Variants in ORM1 observed in about 807,000 individuals in gnomAD.
The protein encoded by ORM1 is alpha-1-acid glycoprotein 1.
Under a neutral mutation model 26.9 loss-of-function variants are expected in ORM1, and 13 were observed. That is an observed-to-expected ratio of 0.48 (90% CI 0.31 to 0.77). The LOEUF (loss-of-function observed/expected upper bound fraction) is 0.77, where lower values mean the gene tolerates loss of function less well. Among genes scored for constraint, ORM1 ranks in the 30% least tolerant of loss-of-function variants. The probability of loss-of-function intolerance (pLI) is 0.04; values close to 1 mark genes in which losing one functional copy is unlikely to be tolerated. For missense variants in ORM1, 189 were observed against 246.8 expected (o/e 0.77, Z 1.57); for synonymous variants, 76 against 102.2 (o/e 0.74, Z 1.55).
rs774557448 is a variant in ORM1, at chr9:114,323,229, C to T, written c.96C>T (p.Thr32=). ...LCANLVPVPI[T]NATLDRITGK... ...CCAACCTAGTACCGGTGCCCATCACCAACGCCACCCTGGACCGGGTGAGTG... is the reference window on the plus strand; with the variant it reads ...CCAACCTAGTACCGGTGCCCATCACTAACGCCACCCTGGACCGGGTGAGTG... Residue 32 remains threonine, a synonymous_variant, in exon 1 of 6, where the codon ACC becomes ACT. Coordinates refer to ENST00000259396, the MANE Select transcript of ORM1 (RefSeq NM_000607.4). 1.9e-6 allele frequency: 3 copies of T among 1,594,690 alleles called. No homozygotes were observed. The Admixed American group carries it at 5.2e-5, about 28-fold the overall frequency.
chr9:114,324,382 T>G (rs1829735400), intron 3 of ORM1, among the ~76,000 whole-genome samples: 1 of 152,168 alleles, frequency 6.6e-6, no homozygotes, highest in Non-Finnish European at 1.5e-5. Context: ...ATGCCCTCTT[T>G]AAGATCCTTT....
rs143582841 is a variant in ORM1, at chr9:114,323,683, T to C, written c.135T>C (p.Tyr45=). ...TLDRITGKWF[Y]IASAFRNEEY... is the part of the protein sequence containing the mutation. ...CCCAGATCACTGGCAAGTGGTTTTA[T>C]ATCGCATCGGCCTTTCGAAACGAGG... Residue 45 remains tyrosine, a synonymous_variant, in exon 2 of 6, where the codon TAT becomes TAC. Coordinates refer to ENST00000259396, the MANE Select transcript of ORM1 (RefSeq NM_000607.4). 19 of 1,613,926 alleles carry C rather than the reference T, an allele frequency of 1.2e-5. No homozygotes were observed. Among genetic ancestry groups the C allele is most frequent in the Non-Finnish European group, 1.4e-5 (17 of 1,179,886 alleles).
chr9:114,324,101 C>A lies in ORM1; in HGVS notation c.328+13C>A, dbSNP rs1222774899. The A allele has an allele frequency of 4.3e-6, 7 of 1,613,286 alleles. No homozygotes were observed. The Admixed American group carries it at 1.2e-4, about 27-fold the overall frequency. On this transcript the variant is annotated intron_variant, in intron 3 of 5. Coordinates refer to ENST00000259396, the MANE Select transcript of ORM1 (RefSeq NM_000607.4). ...ATCTCCAGATACGGTGAGGGCCAGCCCTCAGGCAGGAGGGTTCACTGTGGG... is the reference window on the plus strand; with the variant it reads ...ATCTCCAGATACGGTGAGGGCCAGCACTCAGGCAGGAGGGTTCACTGTGGG...
In ORM1 at chr9:114,326,215, C is replaced by T. The variant is rs1829766250; in HGVS notation, c.541-77C>T. 5.0e-6 allele frequency: 8 copies of T among 1,588,574 alleles called. No individual in the cohort carries two copies. The East Asian group carries it at 6.8e-5, about 14-fold the overall frequency. ...GTTCCACAGGCCAGAGCTCATTCTG[C>T]CCTCTCCCTGGAAGACCTCCCACCC... On this transcript the variant is annotated intron_variant, in intron 5 of 5. Coordinates refer to ENST00000259396, the MANE Select transcript of ORM1 (RefSeq NM_000607.4).
In ORM1 at chr9:114,324,025, C is replaced by A; in HGVS notation, c.265C>A (p.Gln89Lys). Residue 89 changes from glutamine to lysine, a missense_variant, in exon 3 of 6, where the codon CAG (glutamine) becomes AAG (lysine). By Grantham distance (53) the Gln-to-Lys change is moderately conservative. Transcript: ENST00000259396. ...FLREYQTRQD[Q>K]CIYNTTYLNV... ...CCTTCTGTTTGGCTTTAGACAGGAC[C>A]AGTGCATCTATAACACCACCTACCT... 1.9e-6 allele frequency: 3 copies of A among 1,613,980 alleles called. No individual in the cohort carries two copies. Among genetic ancestry groups the A allele is most frequent in the Non-Finnish European group, 2.5e-6 (3 of 1,179,958 alleles).
Position 114,323,722 on chromosome 9 carries a change from G to A in ORM1, c.174G>A (p.Ser58=), listed in dbSNP as rs11552129. 77 of 1,613,982 alleles carry A rather than the reference G, an allele frequency of 4.8e-5. No homozygotes were observed. In the African/African-American group the frequency reaches 5.5e-4, roughly 11 times the overall value. ...SAFRNEEYNK[S]VQEIQATFFY... is the part of the protein sequence containing the mutation. ...TTCGAAACGAGGAGTACAATAAGTC[G>A]GTTCAGGAGATCCAAGCAACCTTCT... The change falls in exon 2 of 6, where the codon TCG becomes TCA. Residue 58 remains serine (S), a synonymous_variant. Transcript: ENST00000259396.
chr9:114,324,601 T>A (rs1258734195), intron 3 of ORM1, among the ~76,000 whole-genome samples, 189 bp from the exon 4 acceptor site: 3 of 152,116 alleles, frequency 2.0e-5, no homozygotes, highest in African/African-American at 7.2e-5. Context: ...TCCTGAGATC[T>A]CATGTACAGA....
rs1290580242 is a variant in ORM1, at chr9:114,324,875, G to C, written c.414G>C (p.Lys138Asn). Reference sequence around the variant, plus strand: ...TTGCTTTTGACGTGAACGATGAGAAGAACTGGGGGCTGTCTGTCTATGGTA... The same window carrying C: ...TTGCTTTTGACGTGAACGATGAGAACAACTGGGGGCTGTCTGTCTATGGTA... ...YMLAFDVNDE[K>N]NWGLSVYADK... The change falls in exon 4 of 6, where the codon AAG becomes AAC. Residue 138 changes from lysine (K) to asparagine (N), a missense_variant. Lys to Asn is a moderately conservative substitution (Grantham distance 94, BLOSUM62 0). This residue lies in a region of ORM1 where 163 missense variants were observed against 157.7 expected (regional missense o/e 1.03). Transcript: ENST00000259396. 1 of 1,614,116 alleles carries C rather than the reference G, an allele frequency of 6.2e-7. No individual in the cohort carries two copies. The highest frequency in any genetic ancestry group is 1.1e-5 in the South Asian group (1 of 91,074).
rs1829766220 is a variant in ORM1 at position 114,326,214 on chromosome 9, G to T, written c.541-78G>T. On this transcript the variant is annotated intron_variant, in intron 5 of 5. Coordinates refer to ENST00000259396, the MANE Select transcript of ORM1 (RefSeq NM_000607.4). Reference sequence around the variant, plus strand: ...GGTTCCACAGGCCAGAGCTCATTCTGCCCTCTCCCTGGAAGACCTCCCACC... The same window carrying T: ...GGTTCCACAGGCCAGAGCTCATTCTTCCCTCTCCCTGGAAGACCTCCCACC... 1.1e-5 allele frequency: 18 copies of T among 1,587,504 alleles called. No individual in the cohort carries two copies. In the East Asian group the frequency reaches 2.7e-4, roughly 24 times the overall value.
Position 114,326,444 on chromosome 9 carries a change from T to C in ORM1, c.*87T>C. On this transcript the variant is annotated 3_prime_UTR_variant, in exon 6 of 6. Transcript: ENST00000259396. The stretch of plus-strand genomic sequence containing the variant: ...TGTGTACCTCAGCTTTTTCCCTCAC[T>C]TGCATCAATAAAGCTTCTGTGTTTG... The C allele has an allele frequency of 1.1e-6, 1 of 882,608 alleles. No individual in the cohort carries two copies. The allele number at this position is 882,608 out of a possible 1,614,324, so 54.7% of individuals were successfully genotyped here.
chr9:114,325,234 C>T, intron 5 of ORM1, 82 bp downstream of exon 5: 1 of 1,341,360 alleles, frequency 7.5e-7, no homozygotes, highest in Non-Finnish European at 1.1e-6. Flanking sequence ...AGGAGAGCTG[C>T]CAGGCAAGGC....
In ORM1 at chr9:114,324,004, C is replaced by G; in HGVS notation, c.258-14C>G. ...AATCTTCCTGTTTTCCTTCCGCCTTCTGTTTGGCTTTAGACAGGACCAGTG... is the reference window on the plus strand; with the variant it reads ...AATCTTCCTGTTTTCCTTCCGCCTTGTGTTTGGCTTTAGACAGGACCAGTG... On this transcript the variant is annotated splice_polypyrimidine_tract_variant and intron_variant, in intron 2 of 5. Transcript: ENST00000259396. 1 of 1,613,860 alleles carries G rather than the reference C, an allele frequency of 6.2e-7. No homozygotes were observed. The highest frequency in any genetic ancestry group is 8.5e-7 in the Non-Finnish European group (1 of 1,179,814).
intron 5 of ORM1, 89 bp from the exon 6 acceptor site, chr9:114,326,203 G>A: frequency 6.4e-7 from 1 of 1,571,570 alleles, no homozygotes; most frequent in Non-Finnish European, 8.6e-7. Context: ...CCACAGGCCA[G>A]AGCTCATTCT....
intron 5 of ORM1, among the ~76,000 whole-genome samples, chr9:114,325,465 G>A (rs145835687): frequency 0.063 from 9,329 of 148,164 alleles, 18 homozygotes; most frequent in Admixed American, 0.078. Context: ...ACCTACAGAC[G>A]CGTCCCAAAC....
chr9:114,326,214 G>A, intron 5 of ORM1, 78 bp from the exon 6 acceptor site: 3 of 1,587,614 alleles, frequency 1.9e-6, no homozygotes, highest in South Asian at 2.3e-5. Flanking sequence ...AGCTCATTCT[G>A]CCCTCTCCCT....
chr9:114,324,160 T>C (rs1175773254), intron 3 of ORM1, 72 bp downstream of exon 3: 21 of 1,370,886 alleles, frequency 1.5e-5, no homozygotes, highest in Non-Finnish European at 2.0e-5. Context: ...GGGGGCTGGA[T>C]GTAGAGCCCT....
chr9:114,324,684 A>G, intron 3 of ORM1, 106 bp from the exon 4 acceptor site: 1 of 925,852 alleles, frequency 1.1e-6, no homozygotes, highest in Non-Finnish European at 1.7e-6. Flanking sequence ...CTGGGCCTTC[A>G]CTGATGGGCT....
Position 114,326,031 on chromosome 9 carries a change from T to C in ORM1, c.541-261T>C, listed in dbSNP as rs184220363. On this transcript the variant is annotated intron_variant, in intron 5 of 5. Transcript: ENST00000259396. Reference sequence around the variant, plus strand: ...AATTCAGGAGCTGCAGCATAAGGGCTCGGCAGGTCCTAAGTGCACAGTAAA... The same window carrying C: ...AATTCAGGAGCTGCAGCATAAGGGCCCGGCAGGTCCTAAGTGCACAGTAAA... Among the ~76,000 whole-genome samples the C allele has an allele frequency of 1.7e-3, 246 of 145,522 alleles. 7 individuals carry two copies. Among genetic ancestry groups the C allele is most frequent in the Admixed American group, 3.1e-3 (47 of 15,018 alleles).
chr9:114,324,140 A>T, intron 3 of ORM1, 52 bp downstream of exon 3: 1 of 1,538,258 alleles, frequency 6.5e-7, no homozygotes, highest in Non-Finnish European at 9.0e-7. Context: ...AGGGCAGGCC[A>T]GCATAAGGTG....
Sources: gnomAD v4.1 joint callset for allele counts (sites outside exome capture counted in the v4.1 genomes callset) on GRCh38, gnomAD v4.1.1 for gene constraint, gnomAD v4.1.1 regional missense constraint, MANE v1.5 for transcripts, NCBI Gene and HGNC (gene_info 2026-07-23, HGNC 2026-07-21) for gene names.